CYP51A1: variants seen among roughly 807,000 people sequenced by gnomAD.
CYP51A1 encodes the protein lanosterol 14-alpha demethylase.
A neutral mutation model predicts 53.5 loss-of-function variants in CYP51A1; 45 were observed. That is an observed-to-expected ratio of 0.84 (90% CI 0.66 to 1.08). The LOEUF (loss-of-function observed/expected upper bound fraction) is 1.08. Ranked by LOEUF, CYP51A1 falls within the 50% of genes least tolerant of loss-of-function variation. The pLI, the probability that CYP51A1 is intolerant of heterozygous loss-of-function variation, is 0.00. For missense variants in CYP51A1, 462 were observed against 621.7 expected (o/e 0.74, Z 2.73); for synonymous variants, 181 against 217.7 (o/e 0.83, Z 1.48).
At chr7:92,117,772 G>T (rs1819607025) in intron 8 of CYP51A1, among the ~76,000 whole-genome samples, 2 of 152,294 alleles carry the variant, frequency 1.3e-5, no homozygotes, top group South Asian at 4.1e-4. Context: ...TGGATCACCT[G>T]AGGTCGGGAG....
At chr7:92,116,129 G>A (rs1279918005) in intron 9 of CYP51A1, among the ~76,000 whole-genome samples, 1 of 152,156 alleles carries the variant, frequency 6.6e-6, no homozygotes, top group Non-Finnish European at 1.5e-5. Context: ...AAAATTAGCT[G>A]AGCGTGGTGG....
intron 4 of CYP51A1, 114 bp from the exon 5 acceptor site, chr7:92,126,541 G>T: frequency 1.1e-6 from 1 of 888,502 alleles, no homozygotes; most frequent in Non-Finnish European, 1.7e-6. Flanking sequence ...ATCAAAAAAA[G>T]TCTGTAGACA....
In CYP51A1 at chr7:92,128,936, T is replaced by G; in HGVS notation, c.412A>C (p.Ser138Arg). ...CCAAACACAGGTGTTGTCAGGCGAC[T>G]GTAGACATCTTCTGCATTCAGGTCT... Reference protein sequence around the residue: ...NEDLNAEDVYSRLTTPVFGKG... With the variant: ...NEDLNAEDVYRRLTTPVFGKG... The change falls in exon 3 of 10, where the codon AGT becomes CGT. Residue 138 changes from serine (S) to arginine (R), a missense_variant. Coordinates refer to ENST00000003100, the MANE Select transcript of CYP51A1 (RefSeq NM_000786.4). 1 of 1,612,740 alleles carries G rather than the reference T, an allele frequency of 6.2e-7. No individual in the cohort carries two copies. Among genetic ancestry groups the G allele is most frequent in the Non-Finnish European group, 8.5e-7 (1 of 1,179,880 alleles).
At chr7:92,121,964 T>G (rs75630808) in intron 7 of CYP51A1, among the ~76,000 whole-genome samples, 2,185 of 152,306 alleles carry the variant, frequency 0.014, 45 homozygotes, top group African/African-American at 0.049. Flanking sequence ...ATTTATGCTA[T>G]GTAAATATAT....
At chr7:92,134,561 T>G (rs1435554952), upstream of CYP51A1, 4 of 590,998 alleles carry the variant, frequency 6.8e-6, no homozygotes, top group Non-Finnish European at 1.2e-5. Context: ...GCCACGCCCC[T>G]TAAATAACAC....
In CYP51A1 at chr7:92,113,848, A is replaced by G. The variant is rs1563175885; in HGVS notation, c.1352-5T>C. ...CCCCAATACAACGATGACGCCCTAA[A>G]AAAAAGAAAAAGTTATAAGAATCAG... On this transcript the variant is annotated splice_polypyrimidine_tract_variant and splice_region_variant and intron_variant, in intron 9 of 9. Coordinates refer to ENST00000003100, the MANE Select transcript of CYP51A1 (RefSeq NM_000786.4). The G allele has an allele frequency of 2.5e-6, 4 of 1,573,910 alleles. No individual in the cohort carries two copies. The East Asian group carries it at 9.0e-5, about 35-fold the overall frequency.
At chr7:92,128,015 T>C (rs1040385309) in intron 3 of CYP51A1, among the ~76,000 whole-genome samples, 1 of 152,216 alleles carries the variant, frequency 6.6e-6, no homozygotes, top group Non-Finnish European at 1.5e-5. Flanking sequence ...CTGATTTGTG[T>C]TCTATATCAA....
At position 92,112,828 on chromosome 7, in the gene CYP51A1, C is replaced by CAAAAAAAAA. The variant is rs879010642; in HGVS notation, c.*828_*836dup. On this transcript the variant is annotated 3_prime_UTR_variant, in exon 10 of 10. Transcript: ENST00000003100. The stretch of plus-strand genomic sequence containing the variant: ...TGGGCAACAGAGCGAGACTCCATCT[C>CAAAAAAAAA]AAAAAAAAAAAAAAAAAAAGGAAGC... 1 of 47,154 alleles carries CAAAAAAAAA rather than the reference C, an allele frequency of 2.1e-5. No homozygotes were observed. The allele number at this position is 47,154 out of a possible 1,614,324, so 2.9% of individuals were successfully genotyped here.
chr7:92,118,755 G>T, intron 7 of CYP51A1, 140 bp from the exon 8 acceptor site: 2 of 602,752 alleles, frequency 3.3e-6, no homozygotes, highest in Non-Finnish European at 6.0e-6. Context: ...GGTGGCTGGG[G>T]TTATCATGCT....
Position 92,113,400 on chromosome 7 carries a change from C to G in CYP51A1, c.*265G>C, listed in dbSNP as rs577594478. 86 of 355,904 alleles carry G rather than the reference C, an allele frequency of 2.4e-4. No homozygotes were observed. In the South Asian group the frequency reaches 3.4e-3, roughly 14 times the overall value. The allele number at this position is 355,904 out of a possible 1,614,324, so 22.0% of individuals were successfully genotyped here. ...TATATTATTTAGAATCTGCCAATTA[C>G]CTAGATCCCCCCTCAACAATTGTTT... On this transcript the variant is annotated 3_prime_UTR_variant, in exon 10 of 10. Transcript: ENST00000003100.
intron 1 of CYP51A1, among the ~76,000 whole-genome samples, chr7:92,132,479 G>A (rs1025897533): frequency 9.3e-6 from 1 of 107,368 alleles, no homozygotes; most frequent in African/African-American, 3.5e-5. Context: ...TTTTGTATTG[G>A]GTTTTTTTCC....
intron 2 of CYP51A1, among the ~76,000 whole-genome samples, chr7:92,131,341 G>C (rs773168505): frequency 1.3e-5 from 2 of 152,138 alleles, no homozygotes; most frequent in African/African-American, 4.8e-5. Flanking sequence ...GAGAGAAGAC[G>C]GGCAAATAAT....
At chr7:92,114,582 A>G (rs1367492912) in intron 9 of CYP51A1, among the ~76,000 whole-genome samples, 1 of 152,236 alleles carries the variant, frequency 6.6e-6, no homozygotes, top group Non-Finnish European at 1.5e-5. Flanking sequence ...AAGGTCCAGG[A>G]ATAACTAGAT....
rs1417822141 is a variant in CYP51A1 at position 92,112,325 on chromosome 7, T to A, written c.*1340A>T. 1 of 152,198 alleles carries A rather than the reference T, an allele frequency of 6.6e-6. No individual in the cohort carries two copies. The highest frequency in any genetic ancestry group is 2.1e-4 in the South Asian group (1 of 4,836). The allele number at this position is 152,198 out of a possible 1,614,324, so 9.4% of individuals were successfully genotyped here. A position where few individuals can be genotyped will look rare whatever the true frequency, so the allele number is the denominator to read the frequency against. Reference sequence around the variant, plus strand: ...GTGGTATTTTTTCAGCCATCTCATATAGTTAGGCCCCGAGTTACAATTTGA... The same window carrying A: ...GTGGTATTTTTTCAGCCATCTCATAAAGTTAGGCCCCGAGTTACAATTTGA... On this transcript the variant is annotated 3_prime_UTR_variant, in exon 10 of 10. Transcript: ENST00000003100.
chr7:92,127,672 A>G (rs199972900), intron 3 of CYP51A1, 41 bp from the exon 4 acceptor site: 2 of 1,605,888 alleles, frequency 1.2e-6, no homozygotes, highest in East Asian at 2.2e-5. Context: ...ATTAAAACAC[A>G]TTTTTGTTTT....
chr7:92,134,047 TG>T, intron 1 of CYP51A1, 125 bp downstream of exon 1: 1 of 882,664 alleles, frequency 1.1e-6, no homozygotes, highest in Non-Finnish European at 1.7e-6. Context: ...ACGCCAAGCA[TG>T]GCCGCAGTCG....
chr7:92,118,499 A>C, intron 8 of CYP51A1, 21 bp downstream of exon 8: 1 of 1,292,852 alleles, frequency 7.7e-7, no homozygotes. Flanking sequence ...ATAGAGGGGA[A>C]GATGTAGCCA....
intron 7 of CYP51A1, among the ~76,000 whole-genome samples, chr7:92,121,450 C>T (rs1392025574): frequency 6.6e-6 from 1 of 152,000 alleles, no homozygotes; most frequent in Admixed American, 6.6e-5. Flanking sequence ...ACCTTATAAC[C>T]CAGCAATTCT....
chr7:92,128,451 TGTGTGC>T (rs537263950), intron 3 of CYP51A1, among the ~76,000 whole-genome samples: 2,273 of 148,130 alleles, frequency 0.015, 56 homozygotes, highest in African/African-American at 0.054. Context: ...TGTGTGTGTG[TGTGTGC>T]GCGTGCGTGT....
Sources: allele counts gnomAD v4.1 joint callset (sites outside exome capture counted in the v4.1 genomes callset), GRCh38; gene constraint gnomAD v4.1.1; transcripts MANE v1.5; gene names NCBI Gene and HGNC (gene_info 2026-07-23, HGNC 2026-07-21).